The following GPATCH8 variants were observed in gnomAD, a reference collection of about 807,000 sequenced individuals.
GPATCH8 encodes the protein G-patch domain containing 8.
Under a neutral mutation model 118.3 loss-of-function variants are expected in GPATCH8, and 18 were observed. The ratio of observed to expected loss-of-function variants is 0.15; its 90% CI spans 0.11 to 0.23. The LOEUF (loss-of-function observed/expected upper bound fraction) is 0.23. Ranked by LOEUF, GPATCH8 falls within the 10% of genes least tolerant of loss-of-function variation. The pLI is 1.00. For synonymous variants in GPATCH8, 659 were observed against 684.7 expected, an observed-to-expected ratio of 0.96 and a Z score of 0.59; for missense variants, 1,631 against 1,873.8, an observed-to-expected ratio of 0.87 and a Z score of 2.39.
intron 3 of GPATCH8, among the ~76,000 whole-genome samples, chr17:44,444,905 G>A (rs2050822450): frequency 6.6e-6 from 1 of 152,182 alleles, no homozygotes; most frequent in African/African-American, 2.4e-5. Flanking sequence ...GAATGAACAT[G>A]TTCGTAGCGG....
At chr17:44,467,174 G>GTTTTT in intron 2 of GPATCH8, 1 of 521,750 alleles carries the variant, frequency 1.9e-6, no homozygotes, top group South Asian at 2.1e-5. Context: ...ACTAATGGTC[G>GTTTTT]TTTTTTTTTT....
At chr17:44,448,790 T>A (rs564482016) in intron 3 of GPATCH8, among the ~76,000 whole-genome samples, 2,522 of 147,626 alleles carry the variant, frequency 0.017, 66 homozygotes, top group African/African-American at 0.059. Flanking sequence ...AAAAAAAAAA[T>A]AAACAGCACT....
At chr17:44,455,441 G>A (rs543774700) in intron 3 of GPATCH8, among the ~76,000 whole-genome samples, 5 of 151,768 alleles carry the variant, frequency 3.3e-5, no homozygotes, top group South Asian at 2.1e-4. Flanking sequence ...TAGAGGTTGC[G>A]GTGAGCCGAG....
At chr17:44,490,516 G>A (rs1317516786) in intron 1 of GPATCH8, among the ~76,000 whole-genome samples, 1 of 151,926 alleles carries the variant, frequency 6.6e-6, no homozygotes, top group Admixed American at 6.6e-5. Flanking sequence ...ATGACTGCTT[G>A]GAACACTTAT....
intron 3 of GPATCH8, among the ~76,000 whole-genome samples, chr17:44,463,180 A>G (rs1027966140): frequency 2.6e-5 from 4 of 151,974 alleles, no homozygotes; most frequent in Admixed American, 2.0e-4. Flanking sequence ...TCAACCTCCC[A>G]AACTGCTGGG....
rs915580703 is a variant in GPATCH8, at chr17:44,397,186, T to C, written c.*382A>G. 1.7e-5 allele frequency: 8 copies of C among 461,666 alleles called. No individual in the cohort carries two copies. Among genetic ancestry groups the C allele is most frequent in the Middle Eastern group, 6.6e-4 (1 of 1,512 alleles). 28.6% of individuals were successfully genotyped at this position (461,666 alleles called of 1,614,324 possible). On this transcript the variant is annotated 3_prime_UTR_variant, in exon 8 of 8. Transcript: ENST00000591680. ...AGCAAGTGCTCTGGTGACAACCCAC[T>C]GGCCAGAGGGGAGGAAAATGTTTTA...
chr17:44,463,669 C>T (rs1385203526), intron 3 of GPATCH8, among the ~76,000 whole-genome samples: 3 of 152,188 alleles, frequency 2.0e-5, no homozygotes, highest in Admixed American at 6.5e-5. Context: ...CGTGAGCCAC[C>T]GCGCCCGGCC....
Position 44,401,433 on chromosome 17 carries a change from A to G in GPATCH8, c.644T>C (p.Met215Thr). 1 of 1,609,896 alleles carries G rather than the reference A, an allele frequency of 6.2e-7. No homozygotes were observed. The highest frequency in any genetic ancestry group is 8.5e-7 in the Non-Finnish European group (1 of 1,176,144). ...TACAGCCACTGTGGTTGGTTTGAACATGGGACCACTTCCAGGTGCACTACA... is the reference window on the plus strand; with the variant it reads ...TACAGCCACTGTGGTTGGTTTGAACGTGGGACCACTTCCAGGTGCACTACA... ...QAECAPGSGP[M>T]FKPTTVAVDE... is the part of the protein sequence containing the mutation. The change falls in exon 8 of 8, where the codon ATG becomes ACG. Residue 215 changes from methionine to threonine, a missense_variant. By Grantham distance (81) the Met-to-Thr change is moderately conservative (BLOSUM62 -1). Around this residue, in one of 8 missense-constraint regions of GPATCH8, gnomAD observed 405 missense variants for 462.7 expected, o/e 0.88. Transcript: ENST00000591680.
intron 6 of GPATCH8, among the ~76,000 whole-genome samples, chr17:44,422,120 C>A (rs2049927752): frequency 6.6e-6 from 1 of 152,138 alleles, no homozygotes; most frequent in Non-Finnish European, 1.5e-5. Context: ...AACCCCAAAA[C>A]TTGAGTATAT....
At chr17:44,487,244 TGCAATCATTATGTA>T (rs146060395) in intron 1 of GPATCH8, among the ~76,000 whole-genome samples, 315 of 152,338 alleles carry the variant, frequency 2.1e-3, no homozygotes, top group African/African-American at 6.8e-3. Flanking sequence ...GTCATATATT[TGCAATCATTATGTA>T]GCCTTTTCCA....
rs1598399800 is a variant in GPATCH8 at position 44,399,249 on chromosome 17, C to T, written c.2828G>A (p.Arg943Gln). The change falls in exon 8 of 8, where the codon CGA (arginine) becomes CAA (glutamine). Residue 943 changes from arginine (R) to glutamine (Q), a missense_variant. This residue lies in a region of GPATCH8 where 922 missense variants were observed against 879.7 expected (regional missense o/e 1.05). Transcript: ENST00000591680. ...DDYSLSCSQSRSRSRSHTRER... is the reference protein window; with the variant it reads ...DDYSLSCSQSQSRSRSHTRER... The stretch of plus-strand genomic sequence containing the variant: ...TCTGGTATGACTCCGAGATCGGCTT[C>T]GGGACTGGCTGCAACTGAGGCTATA... 7 of 1,614,048 alleles carry T rather than the reference C, an allele frequency of 4.3e-6. No homozygotes were observed. The highest frequency in any genetic ancestry group is 2.2e-5 in the South Asian group (2 of 91,070).
At chr17:44,487,698 T>G (rs751086425) in intron 1 of GPATCH8, among the ~76,000 whole-genome samples, 1 of 152,334 alleles carries the variant, frequency 6.6e-6, no homozygotes, top group South Asian at 2.1e-4. Context: ...GTTTTCCATC[T>G]GAAAAGTTAT....
chr17:44,446,769 G>A (rs991489660), intron 3 of GPATCH8, among the ~76,000 whole-genome samples: 1 of 151,934 alleles, frequency 6.6e-6, no homozygotes, highest in African/African-American at 2.4e-5. Context: ...TACTATTCCA[G>A]GATCACTCCA....
intron 6 of GPATCH8, among the ~76,000 whole-genome samples, chr17:44,416,937 T>C (rs1416758981): frequency 2.6e-5 from 4 of 152,176 alleles, no homozygotes; most frequent in Non-Finnish European, 4.4e-5. Context: ...GTAAAAAGTA[T>C]AGGAGTTTTC....
At chr17:44,448,580 G>GA (rs1364850724) in intron 3 of GPATCH8, among the ~76,000 whole-genome samples, 1 of 36,476 alleles carries the variant, frequency 2.7e-5, no homozygotes, top group Non-Finnish European at 1.0e-4. Context: ...AGAGGAAGAA[G>GA]AAGAAGAAGA....
At chr17:44,440,301 G>A (rs532707884) in intron 3 of GPATCH8, among the ~76,000 whole-genome samples, 31 of 152,064 alleles carry the variant, frequency 2.0e-4, no homozygotes, top group Admixed American at 3.9e-4. Flanking sequence ...ACTGGAGAAG[G>A]GAAAGGAAAC....
intron 5 of GPATCH8, among the ~76,000 whole-genome samples, chr17:44,430,703 T>C (rs536731266): frequency 6.5e-4 from 99 of 151,850 alleles, no homozygotes; most frequent in Non-Finnish European, 1.0e-4. Flanking sequence ...AGTGCAGTGG[T>C]GCGATCTTGG....
intron 5 of GPATCH8, among the ~76,000 whole-genome samples, chr17:44,428,187 G>A (rs1296570876): frequency 3.3e-5 from 5 of 151,494 alleles, no homozygotes; most frequent in Non-Finnish European, 4.4e-5. Context: ...GAAGGCTGGG[G>A]AAGTCCTTCA....
rs757217899 is a variant in GPATCH8 at position 44,398,405 on chromosome 17, T to C, written c.3672A>G (p.Leu1224=). 4.3e-6 allele frequency: 7 copies of C among 1,613,834 alleles called. No homozygotes were observed. Among genetic ancestry groups the C allele is most frequent in the South Asian group, 2.2e-5 (2 of 91,076 alleles). ...AGCAGTCAGAATGTGCTGGGGTGCC[T>C]AGTGGAGCCACAGGGTGATCAGCAG... is the stretch of plus-strand genomic sequence containing the variant. ...EATADHPVAP[L]GTPAHSDCYP... is the part of the protein sequence containing the mutation. The change falls in exon 8 of 8, where the codon CTA becomes CTG. Residue 1224 remains leucine (L), a synonymous_variant. Coordinates refer to ENST00000591680, the MANE Select transcript of GPATCH8 (RefSeq NM_001002909.4).
Sources: allele counts gnomAD v4.1 joint callset (sites outside exome capture counted in the v4.1 genomes callset), GRCh38; gene constraint gnomAD v4.1.1; regional missense constraint gnomAD v4.1.1; transcripts MANE v1.5; gene names NCBI Gene and HGNC (gene_info 2026-07-23, HGNC 2026-07-21).